The following SLC20A2 variants were observed in gnomAD, a reference collection of about 807,000 sequenced individuals.
The protein encoded by SLC20A2 is solute carrier family 20 member 2.
Under a neutral mutation model 61.0 loss-of-function variants are expected in SLC20A2, and 30 were observed. The ratio of observed to expected loss-of-function variants is 0.49; its 90% CI spans 0.37 to 0.67. The LOEUF is 0.67. Ranked by LOEUF, SLC20A2 falls within the 30% of genes least tolerant of loss-of-function variation. The pLI is 0.00. For missense variants in SLC20A2, 626 were observed against 866.4 expected, an observed-to-expected ratio of 0.72 and a Z score of 3.48; for synonymous variants, 351 against 353.3, an observed-to-expected ratio of 0.99 and a Z score of 0.07.
At chr8:42,429,795 T>C (rs1474585844) in intron 9 of SLC20A2, among the ~76,000 whole-genome samples, 1 of 152,128 alleles carries the variant, frequency 6.6e-6, no homozygotes, top group Admixed American at 6.5e-5. Context: ...GCTTCTCCTC[T>C]CTTCCCTGCC....
At chr8:42,538,409 A>G (rs1025982373) in intron 1 of SLC20A2, 9 of 152,130 alleles carry the variant, frequency 5.9e-5, no homozygotes, top group African/African-American at 2.2e-4. Flanking sequence ...ATAAAGCTAT[A>G]AAAGATTCAC....
At position 42,525,912 on chromosome 8, in the gene SLC20A2, C is replaced by T. The variant is rs1439563354; in HGVS notation, c.-265+15909G>A. ...AAATAAAGTAGCATTGGATTATAAC[C>T]CAGGGTATATTCATGAGTATATACA... On this transcript the variant is annotated intron_variant, in intron 1 of 10. Transcript: ENST00000342228. 3.3e-5 allele frequency among the ~76,000 whole-genome samples: 5 copies of T among 152,106 alleles called. No homozygotes were observed. The South Asian group carries it at 8.3e-4, about 25-fold the overall frequency.
At chr8:42,460,302 G>A (rs1218217123) in intron 4 of SLC20A2, 5 of 233,098 alleles carry the variant, frequency 2.1e-5, no homozygotes, top group East Asian at 1.8e-4. Context: ...GGGTCAAGCC[G>A]GTTCCGGAGG....
chr8:42,534,334 T>TA (rs201885737), intron 1 of SLC20A2, among the ~76,000 whole-genome samples: 3,120 of 152,208 alleles, frequency 0.02, 102 homozygotes, highest in African/African-American at 0.071. Flanking sequence ...TCGATATTGC[T>TA]AAAAAAGAAG....
chr8:42,536,780 A>T lies in SLC20A2; in HGVS notation c.-265+5041T>A, dbSNP rs917429055. Among the ~76,000 whole-genome samples, 5 of 152,130 alleles carry T rather than the reference A, an allele frequency of 3.3e-5. 1 individual carries two copies. Among genetic ancestry groups the T allele is most frequent in the Admixed American group, 3.3e-4 (5 of 15,264 alleles). On this transcript the variant is annotated intron_variant, in intron 1 of 10. Coordinates refer to the SLC20A2 transcript ENST00000342228. Reference sequence around the variant, plus strand: ...ATACAACCTGAAAAAGTGAATCAAGATTCTACAAAAAGGTTGGGCACAGTG... The same window carrying T: ...ATACAACCTGAAAAAGTGAATCAAGTTTCTACAAAAAGGTTGGGCACAGTG...
chr8:42,465,239 T>A (rs1289004416), intron 3 of SLC20A2, among the ~76,000 whole-genome samples: 1 of 151,546 alleles, frequency 6.6e-6, no homozygotes, highest in African/African-American at 2.4e-5. Flanking sequence ...TGTATTTTTG[T>A]AGAGATGGGG....
intron 1 of SLC20A2, among the ~76,000 whole-genome samples, chr8:42,526,073 A>G (rs1324232677): frequency 6.6e-6 from 1 of 152,226 alleles, no homozygotes; most frequent in Non-Finnish European, 1.5e-5. Context: ...TGCCTTCCCA[A>G]GAGGGAAGCA....
intron 1 of SLC20A2, among the ~76,000 whole-genome samples, chr8:42,524,502 T>C (rs1332499202): frequency 6.6e-6 from 1 of 152,084 alleles, no homozygotes; most frequent in South Asian, 2.1e-4. Flanking sequence ...AATATACCCA[T>C]GCAGGCTGGG....
At position 42,533,654 on chromosome 8, in the gene SLC20A2, CTT is replaced by C. The variant is rs1162369065; in HGVS notation, c.-265+8165_-265+8166del. 8.9e-4 allele frequency among the ~76,000 whole-genome samples: 49 copies of C among 55,290 alleles called. 2 individuals carry two copies. In the East Asian group the frequency reaches 0.014, roughly 15 times the overall value. The allele number at this position is 55,290 out of a possible 152,430, so 36.3% of individuals were successfully genotyped here. A position where few individuals can be genotyped will look rare whatever the true frequency, so the allele number is the denominator to read the frequency against. ...TTAATGGCCTTAATGATCAACTGTTCTTTTTTTTTTTTTTTTTTTTTTGAGAC... is the reference window on the plus strand; with the variant it reads ...TTAATGGCCTTAATGATCAACTGTTCTTTTTTTTTTTTTTTTTTTTGAGAC... On this transcript the variant is annotated intron_variant, in intron 1 of 10. Coordinates refer to the SLC20A2 transcript ENST00000342228.
chr8:42,470,216 A>AT (rs556198459), intron 2 of SLC20A2, among the ~76,000 whole-genome samples: 1,464 of 132,904 alleles, frequency 0.011, 20 homozygotes, highest in East Asian at 0.041. Flanking sequence ...CTTGAACCTG[A>AT]TTTTTTTTTT....
At chr8:42,428,893 CTGACACCCCGTGGG>C in intron 9 of SLC20A2, 51 bp from the exon 10 acceptor site, 1 of 1,454,392 alleles carries the variant, frequency 6.9e-7, no homozygotes, top group South Asian at 1.4e-5. Context: ...ATCAGCCTCC[CTGACACCCCGTGGG>C]TGCTAGAGGC....
At chr8:42,441,612 G>A (rs1804789773) in intron 6 of SLC20A2, among the ~76,000 whole-genome samples, 1 of 150,284 alleles carries the variant, frequency 6.7e-6, no homozygotes, top group Non-Finnish European at 1.5e-5. Context: ...GGGATTACAA[G>A]CATGTGCCAC....
At chr8:42,493,313 T>C (rs1047901102) in intron 1 of SLC20A2, among the ~76,000 whole-genome samples, 4 of 152,240 alleles carry the variant, frequency 2.6e-5, no homozygotes, top group Non-Finnish European at 5.9e-5. Context: ...CAGAAATGAC[T>C]GAGGGAGCCA....
At chr8:42,444,589 T>G in intron 6 of SLC20A2, 57 bp downstream of exon 6, 1 of 1,282,660 alleles carries the variant, frequency 7.8e-7, no homozygotes, top group South Asian at 1.2e-5. Context: ...ATGTTACATG[T>G]GAGGTTTTGG....
intron 10 of SLC20A2, among the ~76,000 whole-genome samples, chr8:42,423,473 GA>G (rs1385772665): frequency 2.0e-5 from 3 of 151,984 alleles, no homozygotes; most frequent in Non-Finnish European, 4.4e-5. Context: ...TTACAGGTGT[GA>G]GCCACCATGT....
chr8:42,443,266 TATATATATATATATATATATA>T lies in SLC20A2; in HGVS notation c.730+1359_730+1379del, dbSNP rs1804931843. Reference sequence around the variant, plus strand: ...TAATAATACAATTATTATTATAGGATATATATATATATATATATATATATATATATATATATATATATAATA... The same window carrying T: ...TAATAATACAATTATTATTATAGGATTATATATATATATATATATATAATA... On this transcript the variant is annotated intron_variant, in intron 6 of 10. Coordinates refer to ENST00000520262, the MANE Select transcript of SLC20A2 (RefSeq NM_001257180.2). Among the ~76,000 whole-genome samples, 25 of 93,436 alleles carry T rather than the reference TATATATATATATATATATATA, an allele frequency of 2.7e-4. 1 individual carries two copies. Among genetic ancestry groups the T allele is most frequent in the East Asian group, 1.3e-3 (4 of 3,124 alleles). The allele number at this position is 93,436 out of a possible 152,430, so 61.3% of individuals were successfully genotyped here.
intron 1 of SLC20A2, among the ~76,000 whole-genome samples, chr8:42,524,424 A>G (rs1811788383): frequency 6.6e-6 from 1 of 152,038 alleles, no homozygotes; most frequent in South Asian, 2.1e-4. Context: ...TAATTACACT[A>G]TTTTGTCTTC....
chr8:42,428,507 TC>T (rs1314060329), intron 10 of SLC20A2, among the ~76,000 whole-genome samples: 1 of 152,180 alleles, frequency 6.6e-6, no homozygotes, highest in East Asian at 1.9e-4. Context: ...AGCAGGCCAG[TC>T]CCAGGCAGGC....
At chr8:42,489,224 C>G (rs1288587043) in intron 1 of SLC20A2, among the ~76,000 whole-genome samples, 1 of 152,120 alleles carries the variant, frequency 6.6e-6, no homozygotes, top group Non-Finnish European at 1.5e-5. Flanking sequence ...CAGGCATGAG[C>G]CACCGCGCTT....
Sources: allele counts gnomAD v4.1 joint callset (sites outside exome capture counted in the v4.1 genomes callset), GRCh38; gene constraint gnomAD v4.1.1; transcripts MANE v1.5; gene names NCBI Gene and HGNC (gene_info 2026-07-23, HGNC 2026-07-21).